TFDP2: variants seen among roughly 807,000 people sequenced by gnomAD.
TFDP2 encodes the protein transcription factor Dp-2, also known as transcription factor Dp-2 (E2F dimerization partner 2).
TFDP2 carries 17 observed loss-of-function variants against 59.3 expected under a neutral mutation model. That is an observed-to-expected ratio of 0.29 (90% CI 0.20 to 0.43). The LOEUF is 0.43. Among genes scored for constraint, TFDP2 ranks in the 20% least tolerant of loss-of-function variants. TFDP2 has a pLI of 1.00. For synonymous variants in TFDP2, 180 were observed against 194.7 expected, an observed-to-expected ratio of 0.92 and a Z score of 0.63; for missense variants, 391 against 528.8, an observed-to-expected ratio of 0.74 and a Z score of 2.56.
At chr3:142,065,713 A>ATG (rs2060055751) in intron 3 of TFDP2, among the ~76,000 whole-genome samples, 2 of 149,180 alleles carry the variant, frequency 1.3e-5, no homozygotes, top group South Asian at 4.3e-4. Flanking sequence ...AGGTTTCGCC[A>ATG]TGTTGGCCAG....
At chr3:142,064,942 G>A (rs1217955597) in intron 3 of TFDP2, among the ~76,000 whole-genome samples, 1 of 152,036 alleles carries the variant, frequency 6.6e-6, no homozygotes, top group African/African-American at 2.4e-5. Flanking sequence ...TTTTTAAAAG[G>A]TAGTTCTTAT....
rs56836983 is a variant in TFDP2, at chr3:142,030,741, CTTTTTT to C, written c.83-25203_83-25198del. ...GTACTCAAGTATATTCCCGTGTTCT[CTTTTTT>C]TTTTTTTTTTTTTGAGACGGAGTCT... On this transcript the variant is annotated intron_variant, in intron 3 of 12. Transcript: ENST00000489671. Among the ~76,000 whole-genome samples the C allele has an allele frequency of 2.8e-3, 340 of 121,786 alleles. 3 individuals carry two copies. Among genetic ancestry groups the C allele is most frequent in the South Asian group, 0.025 (96 of 3,892 alleles). The allele number at this position is 121,786 out of a possible 152,430, so 79.9% of individuals were successfully genotyped here.
chr3:142,079,519 T>G (rs372227131), intron 3 of TFDP2, among the ~76,000 whole-genome samples: 142 of 152,240 alleles, frequency 9.3e-4, no homozygotes, highest in African/African-American at 3.3e-3. Flanking sequence ...TAGAGAGAGA[T>G]ATCAACATTC....
intron 6 of TFDP2, among the ~76,000 whole-genome samples, chr3:141,986,597 T>A (rs1362122054): frequency 6.6e-6 from 1 of 152,226 alleles, no homozygotes; most frequent in African/African-American, 2.4e-5. Flanking sequence ...TGAAGGCTAA[T>A]AGTGTTTCTA....
At chr3:142,028,703 A>T (rs1392650718) in intron 3 of TFDP2, 1 of 985,370 alleles carries the variant, frequency 1.0e-6, no homozygotes. Flanking sequence ...CTCAATTTAA[A>T]ATACTTCTCA....
intron 3 of TFDP2, among the ~76,000 whole-genome samples, chr3:142,021,186 G>T (rs1482481103): frequency 6.6e-6 from 1 of 152,110 alleles, no homozygotes; most frequent in Non-Finnish European, 1.5e-5. Context: ...ATTGGGATGG[G>T]TGACAAAGAG....
At chr3:142,023,122 C>CAAAA (rs765096570) in intron 3 of TFDP2, among the ~76,000 whole-genome samples, 7 of 59,546 alleles carry the variant, frequency 1.2e-4, no homozygotes, top group Admixed American at 2.1e-4. Flanking sequence ...CCCTCCGTCT[C>CAAAA]AAAAAAAAAA....
rs759567242 is a variant in TFDP2, at chr3:141,978,600, C to A, written c.439G>T (p.Gly147Cys). The change falls in exon 7 of 13, where the codon GGT becomes TGT. Residue 147 changes from glycine to cysteine, a missense_variant. By Grantham distance (159) the Gly-to-Cys change is radical. Coordinates refer to ENST00000489671, the MANE Select transcript of TFDP2 (RefSeq NM_001178139.2). ...MKVCEKVQRK[G>C]TTSYNEVADE... ...GCGACTTCATTGTACGATGTTGTAC[C>A]TTTTCGTTGAACTTTCTCACACACT... The A allele has an allele frequency of 6.2e-7, 1 of 1,613,718 alleles. No homozygotes were observed. Among genetic ancestry groups the A allele is most frequent in the Non-Finnish European group, 8.5e-7 (1 of 1,179,892 alleles).
intron 3 of TFDP2, among the ~76,000 whole-genome samples, chr3:142,077,362 G>A (rs542910377): frequency 2.0e-5 from 3 of 152,250 alleles, no homozygotes; most frequent in Admixed American, 1.3e-4. Context: ...GGCTAAGGGA[G>A]TGCTTGCGCC....
At chr3:141,982,369 T>C (rs1941584276) in intron 6 of TFDP2, among the ~76,000 whole-genome samples, 1 of 152,154 alleles carries the variant, frequency 6.6e-6, no homozygotes, top group Non-Finnish European at 1.5e-5. Context: ...TTAGTGGTTA[T>C]ATGCTTTTTT....
chr3:142,063,483 G>C (rs1031400319), intron 3 of TFDP2, among the ~76,000 whole-genome samples: 3 of 152,150 alleles, frequency 2.0e-5, no homozygotes, highest in African/African-American at 7.2e-5. Flanking sequence ...TTCAGTGTAG[G>C]AGCTACTTTT....
chr3:142,028,595 T>C (rs1946266718), intron 3 of TFDP2: 5 of 985,274 alleles, frequency 5.1e-6, no homozygotes, highest in Non-Finnish European at 6.0e-6. Flanking sequence ...TAAGGAAGCA[T>C]GCCTCTCACT....
chr3:142,004,662 T>C (rs542268881), intron 4 of TFDP2, among the ~76,000 whole-genome samples: 1 of 152,326 alleles, frequency 6.6e-6, no homozygotes, highest in South Asian at 2.1e-4. Context: ...TTAAAATAAA[T>C]TGGTATATTG....
intron 4 of TFDP2, among the ~76,000 whole-genome samples, chr3:142,002,603 A>T (rs1437812047): frequency 6.6e-6 from 1 of 152,090 alleles, no homozygotes; most frequent in Non-Finnish European, 1.5e-5. Context: ...AATCTCTAAG[A>T]AAAGTGAGGC....
At chr3:142,013,289 G>A (rs184732431) in intron 3 of TFDP2, among the ~76,000 whole-genome samples, 36 of 152,228 alleles carry the variant, frequency 2.4e-4, no homozygotes, top group Non-Finnish European at 4.4e-5. Context: ...TAGTTAAAAG[G>A]ATTCCACTAG....
Position 142,045,521 on chromosome 3 carries a change from G to A in TFDP2, c.83-39977C>T, listed in dbSNP as rs188906341. ...CTTTAAAAATTTCTGTCAATTATTT[G>A]AAAGTTGAGAAATCTATCCAGGTTT... On this transcript the variant is annotated intron_variant, in intron 3 of 12. Coordinates refer to ENST00000489671, the MANE Select transcript of TFDP2 (RefSeq NM_001178139.2). Among the ~76,000 whole-genome samples the A allele has an allele frequency of 1.6e-4, 24 of 151,446 alleles. No homozygotes were observed. In the East Asian group the frequency reaches 4.1e-3, roughly 26 times the overall value.
chr3:142,075,591 T>G (rs1260168715), intron 3 of TFDP2, among the ~76,000 whole-genome samples: 1 of 151,988 alleles, frequency 6.6e-6, no homozygotes, highest in African/African-American at 2.4e-5. Context: ...TTGAGATACT[T>G]TTAAAAAAAT....
chr3:142,129,328 A>G (rs1406251489), intron 1 of TFDP2, among the ~76,000 whole-genome samples: 1 of 152,166 alleles, frequency 6.6e-6, no homozygotes, highest in Non-Finnish European at 1.5e-5. Flanking sequence ...AGAAATGACA[A>G]TGACTCCCAA....
At chr3:141,987,773 GA>G (rs112269693) in intron 6 of TFDP2, among the ~76,000 whole-genome samples, 19,890 of 124,920 alleles carry the variant, frequency 0.16, 1,412 homozygotes, top group East Asian at 0.21. Context: ...ACTAAAAATA[GA>G]AAAAAAAAAA....
Sources: allele counts gnomAD v4.1 joint callset (sites outside exome capture counted in the v4.1 genomes callset), GRCh38; gene constraint gnomAD v4.1.1; transcripts MANE v1.5; gene names NCBI Gene and HGNC (gene_info 2026-07-23, HGNC 2026-07-21).